Variants in DENND3 observed in about 807,000 individuals in gnomAD.
DENND3 encodes DENN domain-containing protein 3.
A neutral mutation model predicts 135.1 loss-of-function variants in DENND3; 88 were observed. The observed-to-expected ratio is 0.65, with a 90% CI of 0.55 to 0.78. The LOEUF is 0.78. Among genes scored for constraint, DENND3 ranks in the 30% least tolerant of loss-of-function variants. The pLI, the probability that DENND3 is intolerant of heterozygous loss-of-function variation, is 0.00. For synonymous variants in DENND3, 693 were observed against 712.3 expected, an observed-to-expected ratio of 0.97 and a Z score of 0.43; for missense variants, 1,392 against 1,688.4, an observed-to-expected ratio of 0.82 and a Z score of 3.08.
intron 10 of DENND3, 61 bp downstream of exon 10, chr8:141,163,490 T>G: frequency 8.7e-7 from 1 of 1,149,406 alleles, no homozygotes; most frequent in South Asian, 1.4e-5. Flanking sequence ...TTTTCTGTAT[T>G]TAAATACTTT....
In DENND3 at chr8:141,160,737, C is replaced by T. The variant is rs370867922; in HGVS notation, c.1302C>T (p.Leu434=). ...RAHRRSWQQK[L]NCQIQQTTLQ... ...ACCGGCGGTCCTGGCAGCAGAAACT[C>T]AACTGCCAGATACAGCAGACCACCC... is the stretch of plus-strand genomic sequence containing the variant. Residue 434 remains leucine (L), a synonymous_variant, in exon 9 of 23, where the codon CTC becomes CTT. Coordinates refer to ENST00000519811, the MANE Select transcript of DENND3 (RefSeq NM_001352890.3). 3.1e-6 allele frequency: 5 copies of T among 1,613,236 alleles called. No individual in the cohort carries two copies. In the African/African-American group the frequency reaches 5.3e-5, roughly 17 times the overall value.
rs144430696 is a variant in DENND3 at position 141,190,355 on chromosome 8, G to A, written c.3317G>A (p.Arg1106His). The stretch of plus-strand genomic sequence containing the variant: ...GTGAGCACACTGCAGGTGACCAGCC[G>A]CTTCCAGCTGCCGCGAGGTGGCCTG... Reference protein sequence around the residue: ...WNVSTLQVTSRFQLPRGGLTS... With the variant: ...WNVSTLQVTSHFQLPRGGLTS... Residue 1106 changes from arginine to histidine, a missense_variant, in exon 20 of 23, where the codon CGC becomes CAC. Transcript: ENST00000519811. The A allele has an allele frequency of 3.3e-5, 54 of 1,613,086 alleles. No homozygotes were observed. In the East Asian group the frequency reaches 3.6e-4, roughly 11 times the overall value.
intron 18 of DENND3, chr8:141,188,415 C>T (rs1367337557): frequency 6.6e-6 from 1 of 152,184 alleles, no homozygotes; most frequent in Non-Finnish European, 1.5e-5. Flanking sequence ...AATTCGACCA[C>T]CTGCTAATAT....
Position 141,138,685 on chromosome 8 carries a change from G to A in DENND3, c.501+548G>A, listed in dbSNP as rs141483152. Among the ~76,000 whole-genome samples the A allele has an allele frequency of 9.9e-5, 15 of 152,198 alleles. No homozygotes were observed. Among genetic ancestry groups the A allele is most frequent in the East Asian group, 3.9e-4 (2 of 5,166 alleles). ...ACAGGTGTGAGCGCTGCGCCCGGCC[G>A]GCTAATCCCCTTTCTGTCTCTGGAT... On this transcript the variant is annotated intron_variant, in intron 3 of 22. Transcript: ENST00000519811. This position sits in a 1 kb window ranked among gnomAD's most constrained non-coding sequence, Gnocchi z 4.8.
intron 5 of DENND3, chr8:141,150,433 T>G (rs1019110980): frequency 2.2e-5 from 16 of 718,264 alleles, no homozygotes; most frequent in African/African-American, 2.1e-4. Context: ...GTCAAAGCTA[T>G]TAAAAGAGAG....
intron 5 of DENND3, 149 bp from the exon 6 acceptor site, chr8:141,150,685 G>A: frequency 2.0e-6 from 2 of 1,017,386 alleles, no homozygotes; most frequent in Non-Finnish European, 2.8e-6. Flanking sequence ...AGACCGTTTG[G>A]TTATTCTGCA....
chr8:141,182,631 G>A lies in DENND3; in HGVS notation c.2944+1777G>A. 2.5e-6 allele frequency: 1 copy of A among 403,390 alleles called. No individual in the cohort carries two copies. The highest frequency in any genetic ancestry group is 3.3e-6 in the Non-Finnish European group (1 of 298,660). The allele number at this position is 403,390 out of a possible 1,614,324, so 25.0% of individuals were successfully genotyped here. A position where few individuals can be genotyped will look rare whatever the true frequency, so the allele number is the denominator to read the frequency against. On this transcript the variant is annotated intron_variant, in intron 17 of 22. Transcript: ENST00000519811. The surrounding 1 kb of genome is among the most constrained non-coding windows in gnomAD (Gnocchi z 5.9). ...CGTGCAAAGCAGCCGTGGGGAATGG[G>A]GAAACCGCCTTTTCCTGTGGCTGCC...
At chr8:141,185,000 C>A in intron 17 of DENND3, 139 bp from the exon 18 acceptor site, 1 of 1,105,732 alleles carries the variant, frequency 9.0e-7, no homozygotes, top group Non-Finnish European at 1.3e-6. Flanking sequence ...TCTGCCTGGG[C>A]ACGTCTTTGT....
intron 9 of DENND3, among the ~76,000 whole-genome samples, chr8:141,162,454 G>GCCTCTTTTT (rs1467460908): frequency 5.3e-5 from 8 of 151,998 alleles, no homozygotes; most frequent in African/African-American, 1.9e-4. Context: ...CAGAAAATAT[G>GCCTCTTTTT]ATTACATATG....
At chr8:141,147,325 A>G (rs1569555542) in intron 5 of DENND3, among the ~76,000 whole-genome samples, 1 of 152,126 alleles carries the variant, frequency 6.6e-6, no homozygotes, top group Non-Finnish European at 1.5e-5. Flanking sequence ...ACATGTGGAT[A>G]TTGGGCTTTG....
rs1220549382 is a variant in DENND3 at position 141,175,527 on chromosome 8, C to A, written c.2535+68C>A. ...TTAGGAGACAGATGGCTGGAGTGGGCCCTGAGCAGTCTGCCAGCCATGCCA... is the reference window on the plus strand; with the variant it reads ...TTAGGAGACAGATGGCTGGAGTGGGACCTGAGCAGTCTGCCAGCCATGCCA... On this transcript the variant is annotated intron_variant, in intron 14 of 22. Coordinates refer to ENST00000519811, the MANE Select transcript of DENND3 (RefSeq NM_001352890.3). This position sits in a 1 kb window ranked among gnomAD's most constrained non-coding sequence, Gnocchi z 5.4. 1.2e-6 allele frequency: 2 copies of A among 1,610,036 alleles called. No individual in the cohort carries two copies. The highest frequency in any genetic ancestry group is 1.7e-6 in the Non-Finnish European group (2 of 1,179,044).
intron 18 of DENND3, chr8:141,185,520 C>G (rs1389819303): frequency 2.2e-6 from 1 of 459,380 alleles, no homozygotes; most frequent in Non-Finnish European, 3.9e-6. Context: ...CATCTAAAAA[C>G]AGATTTCAGG....
At chr8:141,185,372 C>T in intron 18 of DENND3, 94 bp downstream of exon 18, 2 of 1,516,860 alleles carry the variant, frequency 1.3e-6, no homozygotes, top group Non-Finnish European at 1.8e-6. Flanking sequence ...AGGATACAAG[C>T]TATTCCACAG....
At chr8:141,136,881 T>A in intron 2 of DENND3, 90 bp downstream of exon 2, 2 of 1,397,980 alleles carry the variant, frequency 1.4e-6, no homozygotes, top group Admixed American at 6.0e-5. Context: ...CAGAGGGAAG[T>A]GACGTGAGCG....
chr8:141,185,663 A>G (rs927559802), intron 18 of DENND3, among the ~76,000 whole-genome samples: 52 of 151,790 alleles, frequency 3.4e-4, no homozygotes, highest in Middle Eastern at 3.4e-3. Flanking sequence ...CCATCTCTAC[A>G]AAAACTACAA....
rs1306888127 is a variant in DENND3, at chr8:141,168,114, A to C, written c.1864A>C (p.Ser622Arg). Residue 622 changes from serine to arginine, a missense_variant, in exon 13 of 23, where the codon AGC becomes CGC. Physicochemically the swap from Ser to Arg is moderately radical, Grantham distance 110. Coordinates refer to ENST00000519811, the MANE Select transcript of DENND3 (RefSeq NM_001352890.3). The surrounding 1 kb of genome is among the most constrained non-coding windows in gnomAD (Gnocchi z 6.2). ...CCATGCCCACTTTGTCTCCATGCTG[A>C]GCGAGGCCATGTGCTTTCTGGCCCC... ...AYHAHFVSML[S>R]EAMCFLAPDN... 6.2e-7 allele frequency: 1 copy of C among 1,614,190 alleles called. No homozygotes were observed. The highest frequency in any genetic ancestry group is 1.1e-5 in the South Asian group (1 of 91,084).
At chr8:141,170,087 T>C (rs1475123423) in intron 13 of DENND3, among the ~76,000 whole-genome samples, 1 of 152,258 alleles carries the variant, frequency 6.6e-6, no homozygotes, top group African/African-American at 2.4e-5. Flanking sequence ...CCTGCAAGGA[T>C]GCCACACTGA....
chr8:141,165,155 G>A (rs1820619266), intron 10 of DENND3, 31 bp from the exon 11 acceptor site: 1 of 1,584,936 alleles, frequency 6.3e-7, no homozygotes, highest in Non-Finnish European at 8.7e-7. Context: ...AGTCGGCACA[G>A]CCCAGTGACC....
At chr8:141,150,400 G>A (rs889379609) in intron 5 of DENND3, 3 of 1,050,572 alleles carry the variant, frequency 2.9e-6, no homozygotes, top group African/African-American at 1.7e-5. Flanking sequence ...CACATGTCTT[G>A]AAGGAGCTTT....
Sources: gnomAD v4.1 joint callset for allele counts (sites outside exome capture counted in the v4.1 genomes callset) on GRCh38, gnomAD v4.1.1 for gene constraint, Gnocchi (gnomAD v3.1) non-coding constraint, MANE v1.5 for transcripts, NCBI Gene and HGNC (gene_info 2026-07-23, HGNC 2026-07-21) for gene names.